Variants in FBXW7 observed in about 807,000 individuals in gnomAD.
FBXW7 encodes F-box and WD repeat domain containing 7, also known as F-box/WD repeat-containing protein 7.
A neutral mutation model predicts 86.3 loss-of-function variants in FBXW7; 11 were observed. That is an observed-to-expected ratio of 0.13 (90% CI 0.08 to 0.21). FBXW7 has a LOEUF of 0.21. FBXW7 is among the 10% of genes least tolerant of loss of function. The pLI is 1.00. For missense variants in FBXW7, 488 were observed against 847.4 expected, an observed-to-expected ratio of 0.58 and a Z score of 5.27; for synonymous variants, 313 against 297.9, an observed-to-expected ratio of 1.05 and a Z score of -0.52.
chr4:152,530,240 GC>G, intron 2 of FBXW7: 1 of 152,052 alleles, frequency 6.6e-6, no homozygotes, highest in African/African-American at 2.4e-5. Flanking sequence ...AACAAAAATT[GC>G]GATGTGTAAT....
At chr4:152,505,090 G>T (rs1747287638) in intron 2 of FBXW7, among the ~76,000 whole-genome samples, 2 of 152,156 alleles carry the variant, frequency 1.3e-5, no homozygotes, top group South Asian at 4.1e-4. Flanking sequence ...AACCTGTACA[G>T]CATGTTACTG....
At chr4:152,349,053 G>C (rs1731547567) in intron 5 of FBXW7, among the ~76,000 whole-genome samples, 1 of 151,970 alleles carries the variant, frequency 6.6e-6, no homozygotes, top group Admixed American at 6.6e-5. Flanking sequence ...AGCAGCATTT[G>C]AAAGAAATAT....
intron 4 of FBXW7, among the ~76,000 whole-genome samples, chr4:152,382,882 TA>T (rs1053237804): frequency 6.6e-6 from 1 of 151,968 alleles, no homozygotes; most frequent in Non-Finnish European, 1.5e-5. Flanking sequence ...ACGTATGGTT[TA>T]AAAAAAACAC....
intron 2 of FBXW7, among the ~76,000 whole-genome samples, chr4:152,420,588 G>T (rs1738847127): frequency 6.6e-6 from 1 of 152,142 alleles, no homozygotes; most frequent in Non-Finnish European, 1.5e-5. Flanking sequence ...CTTGAAAGTA[G>T]AAATGACTCC....
At chr4:152,476,445 A>T (rs1744413924) in intron 2 of FBXW7, among the ~76,000 whole-genome samples, 1 of 152,192 alleles carries the variant, frequency 6.6e-6, no homozygotes. Context: ...GACAATTCAT[A>T]AGAGAAAAAC....
At chr4:152,389,583 T>G (rs1043632740) in intron 4 of FBXW7, among the ~76,000 whole-genome samples, 2 of 152,038 alleles carry the variant, frequency 1.3e-5, no homozygotes, top group African/African-American at 4.8e-5. Flanking sequence ...GAGTGTGTAG[T>G]AATAGATATT....
chr4:152,330,618 G>T, intron 9 of FBXW7, 114 bp downstream of exon 9: 1 of 849,426 alleles, frequency 1.2e-6, no homozygotes, highest in Non-Finnish European at 1.7e-6. Context: ...TAAAATATAC[G>T]GTTTTCTTTC....
At chr4:152,518,361 T>C (rs1398591064) in intron 2 of FBXW7, among the ~76,000 whole-genome samples, 1 of 152,036 alleles carries the variant, frequency 6.6e-6, no homozygotes, top group Admixed American at 6.6e-5. Flanking sequence ...AGTGGCAGGA[T>C]CTTGGCTCAC....
chr4:152,364,464 T>A (rs1022783955), intron 4 of FBXW7, among the ~76,000 whole-genome samples: 1 of 152,204 alleles, frequency 6.6e-6, no homozygotes, highest in Non-Finnish European at 1.5e-5. Flanking sequence ...TTATGAATCA[T>A]AATATTTATG....
At chr4:152,330,282 C>T (rs1450702284) in intron 9 of FBXW7, among the ~76,000 whole-genome samples, 4 of 151,764 alleles carry the variant, frequency 2.6e-5, no homozygotes, top group Non-Finnish European at 5.9e-5. Flanking sequence ...AGTGTTTTTA[C>T]CATTCTTTAT....
intron 4 of FBXW7, among the ~76,000 whole-genome samples, chr4:152,360,222 G>T (rs1371684036): frequency 1.3e-5 from 2 of 152,120 alleles, no homozygotes; most frequent in African/African-American, 4.8e-5. Context: ...TGTACTAGGA[G>T]AACTTTACTG....
chr4:152,321,926 C>T lies in FBXW7; in HGVS notation c.*955G>A, dbSNP rs937934733. 8 of 232,754 alleles carry T rather than the reference C, an allele frequency of 3.4e-5. No individual in the cohort carries two copies. Among genetic ancestry groups the T allele is most frequent in the African/African-American group, 1.8e-4 (8 of 45,272 alleles). 14.4% of individuals were successfully genotyped at this position (232,754 alleles called of 1,614,324 possible). A position where few individuals can be genotyped will look rare whatever the true frequency, so the allele number is the denominator to read the frequency against. On this transcript the variant is annotated 3_prime_UTR_variant, in exon 14 of 14. Coordinates refer to ENST00000281708, the MANE Select transcript of FBXW7 (RefSeq NM_001349798.2). ...CACTCTTTATTATCTGAAACTCTTC[C>T]ATTCTCAGCCTCTTAGAGGCACAGA...
At chr4:152,451,983 T>C (rs1308390821) in intron 2 of FBXW7, among the ~76,000 whole-genome samples, 1 of 152,114 alleles carries the variant, frequency 6.6e-6, no homozygotes, top group Non-Finnish European at 1.5e-5. Context: ...ATTTCTATAA[T>C]ACTAAGATGT....
intron 2 of FBXW7, among the ~76,000 whole-genome samples, chr4:152,443,926 A>T (rs554090840): frequency 6.6e-6 from 1 of 152,354 alleles, no homozygotes; most frequent in Admixed American, 6.5e-5. Context: ...TAAGACATGT[A>T]AAGATGAAAT....
At chr4:152,347,833 A>C (rs1026871177) in intron 5 of FBXW7, among the ~76,000 whole-genome samples, 2 of 152,032 alleles carry the variant, frequency 1.3e-5, no homozygotes, top group African/African-American at 2.4e-5. Context: ...TCTAAAACTA[A>C]CTACCCTAAA....
At chr4:152,346,083 T>C (rs759495432) in intron 6 of FBXW7, among the ~76,000 whole-genome samples, 14 of 152,222 alleles carry the variant, frequency 9.2e-5, no homozygotes, top group Non-Finnish European at 2.1e-4. Flanking sequence ...AAACACTTGA[T>C]GTATATGCAT....
chr4:152,481,803 A>T (rs1744906457), intron 2 of FBXW7, among the ~76,000 whole-genome samples: 1 of 152,232 alleles, frequency 6.6e-6, no homozygotes, highest in Non-Finnish European at 1.5e-5. Context: ...CTGAAATCTC[A>T]AAATAAAATT....
intron 2 of FBXW7, among the ~76,000 whole-genome samples, chr4:152,412,855 G>GCTTTAAA (rs1738093030): frequency 6.6e-6 from 1 of 152,032 alleles, no homozygotes; most frequent in African/African-American, 2.4e-5. Flanking sequence ...TATTACTGAT[G>GCTTTAAA]CTTTAAACTT....
At chr4:152,390,653 A>G (rs765201916) in intron 4 of FBXW7, among the ~76,000 whole-genome samples, 21 of 152,242 alleles carry the variant, frequency 1.4e-4, no homozygotes, top group Middle Eastern at 3.4e-3. Flanking sequence ...TAATGTCAGT[A>G]CTTAAGTCCA....
Sources: allele counts gnomAD v4.1 joint callset (sites outside exome capture counted in the v4.1 genomes callset), GRCh38; gene constraint gnomAD v4.1.1; transcripts MANE v1.5; gene names NCBI Gene and HGNC (gene_info 2026-07-23, HGNC 2026-07-21).